The following GRM8 variants were observed in gnomAD, a reference collection of about 807,000 sequenced individuals.
The protein encoded by GRM8 is metabotropic glutamate receptor 8.
A neutral mutation model predicts 87.2 loss-of-function variants in GRM8; 47 were observed. The observed-to-expected ratio is 0.54, with a 90% CI of 0.43 to 0.69. GRM8 has a LOEUF of 0.69. Ranked by LOEUF, GRM8 falls within the 30% of genes least tolerant of loss-of-function variation. The pLI, the probability that GRM8 is intolerant of heterozygous loss-of-function variation, is 0.00. For synonymous variants in GRM8, 396 were observed against 404.5 expected (o/e 0.98, Z 0.25); for missense variants, 1,019 against 1,139.2 (o/e 0.89, Z 1.52).
chr7:126,618,964 G>T (rs1799817410), intron 7 of GRM8, among the ~76,000 whole-genome samples: 1 of 152,166 alleles, frequency 6.6e-6, no homozygotes, highest in South Asian at 2.1e-4. Context: ...AAGACAGTGT[G>T]GTGATTCCTC....
chr7:127,116,898 C>T (rs1229246903), intron 2 of GRM8, among the ~76,000 whole-genome samples: 2 of 152,224 alleles, frequency 1.3e-5, no homozygotes, highest in East Asian at 3.9e-4. Context: ...GGTTCTTATG[C>T]CAGGACTATC....
At chr7:127,116,612 G>A (rs1468326072) in intron 2 of GRM8, among the ~76,000 whole-genome samples, 1 of 152,134 alleles carries the variant, frequency 6.6e-6, no homozygotes, top group Non-Finnish European at 1.5e-5. Flanking sequence ...CAAGGGACAG[G>A]GCAAGCTTCC....
chr7:126,826,578 G>A (rs1346174707), intron 6 of GRM8, among the ~76,000 whole-genome samples: 1 of 151,978 alleles, frequency 6.6e-6, no homozygotes, highest in East Asian at 1.9e-4. Context: ...TTTTTTTCTT[G>A]TAAATTTGTT....
chr7:126,847,018 A>C (rs181440174), intron 6 of GRM8, among the ~76,000 whole-genome samples: 1 of 152,194 alleles, frequency 6.6e-6, no homozygotes, highest in East Asian at 1.9e-4. Flanking sequence ...CTACACAATT[A>C]GTTTGCAGCA....
intron 10 of GRM8, 84 bp downstream of exon 10, chr7:126,446,042 C>T: frequency 6.5e-7 from 1 of 1,532,230 alleles, no homozygotes; most frequent in South Asian, 1.1e-5. Context: ...GCACAATCCC[C>T]AAGACTAGGA....
chr7:127,098,532 T>C (rs1290416899), intron 3 of GRM8, among the ~76,000 whole-genome samples: 1 of 152,140 alleles, frequency 6.6e-6, no homozygotes, highest in Non-Finnish European at 1.5e-5. Context: ...ACGTTTCAAT[T>C]GTACACTAGG....
intron 2 of GRM8, among the ~76,000 whole-genome samples, chr7:127,230,643 G>A (rs192718597): frequency 6.6e-6 from 1 of 152,248 alleles, no homozygotes; most frequent in Admixed American, 6.5e-5. Flanking sequence ...TCATAAGCGT[G>A]GAGCCCTTGT....
chr7:126,863,248 A>G (rs919997708), intron 6 of GRM8, among the ~76,000 whole-genome samples: 1 of 152,098 alleles, frequency 6.6e-6, no homozygotes, highest in Non-Finnish European at 1.5e-5. Context: ...ATTTCCAGCT[A>G]TATGGGGAAG....
At chr7:126,973,828 CT>C in intron 3 of GRM8, among the ~76,000 whole-genome samples, 1 of 152,286 alleles carries the variant, frequency 6.6e-6, no homozygotes, top group Non-Finnish European at 1.5e-5. Context: ...CATAATCTCT[CT>C]TATATGTGGA....
intron 7 of GRM8, among the ~76,000 whole-genome samples, chr7:126,645,974 T>G (rs1585349925): frequency 6.6e-6 from 1 of 152,256 alleles, no homozygotes. Flanking sequence ...CACAACTGAA[T>G]TTTCAAGGTC....
intron 7 of GRM8, among the ~76,000 whole-genome samples, chr7:126,653,305 A>AC (rs1804136760): frequency 6.6e-6 from 1 of 151,024 alleles, no homozygotes; most frequent in South Asian, 2.1e-4. Context: ...GTCTCCAAAA[A>AC]AAAAAAAAAA....
intron 2 of GRM8, among the ~76,000 whole-genome samples, chr7:127,119,783 C>T (rs1226169838): frequency 6.6e-6 from 1 of 152,186 alleles, no homozygotes; most frequent in Non-Finnish European, 1.5e-5. Flanking sequence ...CACTCTCTTA[C>T]TTGGCCTAAA....
At chr7:126,884,068 G>C (rs1800259626) in intron 6 of GRM8, among the ~76,000 whole-genome samples, 1 of 152,028 alleles carries the variant, frequency 6.6e-6, no homozygotes, top group South Asian at 2.1e-4. Flanking sequence ...AATTAGCTGT[G>C]ATTTTTTTCT....
At chr7:126,507,237 T>C (rs1403924289) in intron 9 of GRM8, among the ~76,000 whole-genome samples, 1 of 152,096 alleles carries the variant, frequency 6.6e-6, no homozygotes, top group Non-Finnish European at 1.5e-5. Context: ...GATAAAGAAA[T>C]GATGTCAGAA....
intron 3 of GRM8, among the ~76,000 whole-genome samples, chr7:127,034,814 A>G (rs983879750): frequency 1.3e-5 from 2 of 152,204 alleles, no homozygotes; most frequent in Non-Finnish European, 2.9e-5. Context: ...GGAAAAGAAA[A>G]GAACTAAATA....
At chr7:126,846,717 A>C (rs746558673) in intron 6 of GRM8, among the ~76,000 whole-genome samples, 39 of 151,140 alleles carry the variant, frequency 2.6e-4, no homozygotes, top group Non-Finnish European at 5.2e-4. Context: ...GTTATAAAGC[A>C]AAAAAAAAGA....
At chr7:127,123,165 T>G (rs1254977111) in intron 2 of GRM8, among the ~76,000 whole-genome samples, 1 of 152,154 alleles carries the variant, frequency 6.6e-6, no homozygotes, top group Non-Finnish European at 1.5e-5. Context: ...TCTCATTTCA[T>G]CCATATAATA....
intron 3 of GRM8, among the ~76,000 whole-genome samples, chr7:127,062,456 T>C (rs1388026936): frequency 1.3e-5 from 2 of 152,186 alleles, no homozygotes; most frequent in Non-Finnish European, 2.9e-5. Context: ...ACCATGACAC[T>C]GCAAGCATGA....
At chr7:126,624,936 A>C (rs1346185931) in intron 7 of GRM8, among the ~76,000 whole-genome samples, 1 of 152,234 alleles carries the variant, frequency 6.6e-6, no homozygotes, top group Non-Finnish European at 1.5e-5. Context: ...CGTGCTACTA[A>C]CCTGTTAATC....
Sources: gnomAD v4.1 joint callset for allele counts (sites outside exome capture counted in the v4.1 genomes callset) on GRCh38, gnomAD v4.1.1 for gene constraint, MANE v1.5 for transcripts, NCBI Gene and HGNC (gene_info 2026-07-23, HGNC 2026-07-21) for gene names.